Variants in AGBL1 observed in about 807,000 individuals in gnomAD.
The protein encoded by AGBL1 is AGBL carboxypeptidase 1, also known as cytosolic carboxypeptidase 4.
Under a neutral mutation model 118.9 loss-of-function variants are expected in AGBL1, and 130 were observed. The ratio of observed to expected loss-of-function variants is 1.09; its 90% CI spans 0.95 to 1.26. The LOEUF (loss-of-function observed/expected upper bound fraction) is 1.26, where lower values mean the gene tolerates loss of function less well. AGBL1 is among the 50% of genes most tolerant of loss of function. AGBL1 has a pLI of 0.00. For missense variants in AGBL1, 1,584 were observed against 1,298.1 expected (o/e 1.22, Z -3.38); for synonymous variants, 555 against 478.9 (o/e 1.16, Z -2.08).
intron 23 of AGBL1, among the ~76,000 whole-genome samples, chr15:86,967,087 CA>C (rs1365776380): frequency 6.6e-6 from 1 of 152,168 alleles, no homozygotes; most frequent in Non-Finnish European, 1.5e-5. Context: ...TGATGATGAA[CA>C]TTTTTTCATG....
At chr15:86,877,530 A>T (rs951347736) in intron 22 of AGBL1, among the ~76,000 whole-genome samples, 9 of 152,100 alleles carry the variant, frequency 5.9e-5, no homozygotes, top group African/African-American at 2.2e-4. Context: ...CCTTCCTGTT[A>T]CCGCTGGGGA....
At chr15:86,761,707 G>A (rs916371579) in intron 22 of AGBL1, among the ~76,000 whole-genome samples, 1 of 152,080 alleles carries the variant, frequency 6.6e-6, no homozygotes, top group Admixed American at 6.6e-5. Flanking sequence ...ATTTGCTTAA[G>A]TTCCTTGTAG....
intron 3 of AGBL1, among the ~76,000 whole-genome samples, chr15:86,144,559 G>T (rs190104997): frequency 6.6e-6 from 1 of 152,282 alleles, no homozygotes; most frequent in African/African-American, 2.4e-5. Context: ...AACTAAAGCA[G>T]AAACAGAAAA....
At chr15:86,280,864 T>C (rs747263530) in intron 16 of AGBL1, among the ~76,000 whole-genome samples, 40 of 152,204 alleles carry the variant, frequency 2.6e-4, no homozygotes, top group Admixed American at 2.0e-3. Flanking sequence ...AAGAGAGATT[T>C]TTACTGTTTT....
intron 23 of AGBL1, among the ~76,000 whole-genome samples, chr15:86,962,654 G>T (rs1220039154): frequency 1.3e-5 from 2 of 152,010 alleles, no homozygotes; most frequent in Non-Finnish European, 2.9e-5. Flanking sequence ...TACACCAGAA[G>T]ATATTTTCTT....
intron 24 of AGBL1, among the ~76,000 whole-genome samples, chr15:86,999,327 C>T (rs971772239): frequency 6.6e-6 from 1 of 150,848 alleles, no homozygotes; most frequent in Non-Finnish European, 1.5e-5. Flanking sequence ...CCCACTAACT[C>T]GTCATCTAGC....
At chr15:86,271,392 C>T (rs2079159442) in intron 14 of AGBL1, among the ~76,000 whole-genome samples, 1 of 152,106 alleles carries the variant, frequency 6.6e-6, no homozygotes, top group South Asian at 2.1e-4. Context: ...TCAAACCTCC[C>T]TCTACCTCCC....
At chr15:86,714,498 A>C (rs1813045) in intron 22 of AGBL1, among the ~76,000 whole-genome samples, 2,513 of 152,308 alleles carry the variant, frequency 0.016, 84 homozygotes, top group African/African-American at 0.057. Flanking sequence ...GTGTGTGTGC[A>C]GATAATCAGG....
intron 24 of AGBL1, among the ~76,000 whole-genome samples, chr15:86,995,906 T>A (rs917005775): frequency 1.3e-5 from 2 of 152,162 alleles, no homozygotes; most frequent in Admixed American, 1.3e-4. Context: ...GGGTTCTAAT[T>A]TTATGACACC....
At chr15:86,576,137 C>G (rs541507467) in intron 21 of AGBL1, among the ~76,000 whole-genome samples, 1 of 152,090 alleles carries the variant, frequency 6.6e-6, no homozygotes, top group Non-Finnish European at 1.5e-5. Context: ...TTATTGACTG[C>G]ACTTTGGGTA....
At chr15:86,972,814 C>T (rs765046395) in intron 23 of AGBL1, among the ~76,000 whole-genome samples, 1 of 151,996 alleles carries the variant, frequency 6.6e-6, no homozygotes, top group Non-Finnish European at 1.5e-5. Context: ...AATTTTCATT[C>T]CCTTAAAACT....
intron 1 of AGBL1, among the ~76,000 whole-genome samples, chr15:86,110,917 G>A (rs914242729): frequency 6.6e-6 from 1 of 152,146 alleles, no homozygotes; most frequent in Non-Finnish European, 1.5e-5. Context: ...AACAAATCCC[G>A]AGTTTTCCCA....
chr15:86,919,179 A>C (rs1160219744), downstream of AGBL1, among the ~76,000 whole-genome samples: 2 of 152,180 alleles, frequency 1.3e-5, no homozygotes, highest in Non-Finnish European at 2.9e-5. Flanking sequence ...CTGTTCCTCA[A>C]CTTCACTTGA....
intron 21 of AGBL1, among the ~76,000 whole-genome samples, chr15:86,666,225 AT>A (rs1327113072): frequency 6.6e-6 from 1 of 152,116 alleles, no homozygotes; most frequent in Non-Finnish European, 1.5e-5. Flanking sequence ...TGGTCCTAGG[AT>A]TTATCACATA....
Position 86,264,375 on chromosome 15 carries a change from T to C in AGBL1, c.1204T>C (p.Ser402Pro). 2 of 1,613,744 alleles carry C rather than the reference T, an allele frequency of 1.2e-6. No homozygotes were observed. Among genetic ancestry groups the C allele is most frequent in the South Asian group, 1.1e-5 (1 of 91,004 alleles). The change falls in exon 11 of 23, where the codon TCC becomes CCC. Residue 402 changes from serine to proline, a missense_variant. Physicochemically the swap from Ser to Pro is moderately conservative, Grantham distance 74. Coordinates refer to ENST00000614907, the MANE Select transcript of AGBL1 (RefSeq NM_001386094.1). ...GCATTGCTACAGCAAGGACCAAAGC[T>C]CCTGTGGGCAAGAAAGAGAATATGC... ...KQHCYSKDQS[S>P]CGQEREYAVQ... is the part of the protein sequence containing the mutation.
At position 86,916,140 on chromosome 15, in the gene AGBL1, A is replaced by AG. The variant is rs1363700351; in HGVS notation, c.*8847dup. ...AAATGCATTGACTTTAATAAAACAG[A>AG]GTGTAAAACAACTTTAGATTGACTC... is the stretch of plus-strand genomic sequence containing the variant. On this transcript the variant is annotated 3_prime_UTR_variant, in exon 23 of 23. Coordinates refer to ENST00000614907, the MANE Select transcript of AGBL1 (RefSeq NM_001386094.1). The AG allele has an allele frequency of 6.6e-6, 1 of 152,196 alleles. No homozygotes were observed. The highest frequency in any genetic ancestry group is 2.4e-5 in the African/African-American group (1 of 41,448). The allele number at this position is 152,196 out of a possible 1,614,324, so 9.4% of individuals were successfully genotyped here. A position where few individuals can be genotyped will look rare whatever the true frequency, so the allele number is the denominator to read the frequency against.
intron 22 of AGBL1, among the ~76,000 whole-genome samples, chr15:86,726,602 C>T (rs1294729356): frequency 6.6e-6 from 1 of 152,140 alleles, no homozygotes; most frequent in South Asian, 2.1e-4. Context: ...TGCCTTGTCA[C>T]CCAAGGTGGA....
chr15:86,751,817 T>C (rs913281448), intron 22 of AGBL1, among the ~76,000 whole-genome samples: 3 of 152,086 alleles, frequency 2.0e-5, no homozygotes, highest in Admixed American at 6.6e-5. Flanking sequence ...AATGAAAAGG[T>C]TTATTATTAG....
chr15:86,183,032 T>A (rs1322153989), intron 5 of AGBL1, among the ~76,000 whole-genome samples: 1 of 152,148 alleles, frequency 6.6e-6, no homozygotes, highest in African/African-American at 2.4e-5. Flanking sequence ...CATATGCAGG[T>A]TTACTAAGGA....
Sources: gnomAD v4.1 joint callset for allele counts (sites outside exome capture counted in the v4.1 genomes callset) on GRCh38, gnomAD v4.1.1 for gene constraint, MANE v1.5 for transcripts, NCBI Gene and HGNC (gene_info 2026-07-23, HGNC 2026-07-21) for gene names.